The following THBS4 variants were observed in gnomAD, a reference collection of about 807,000 sequenced individuals.
The protein encoded by THBS4 is thrombospondin-4.
A neutral mutation model predicts 115.7 loss-of-function variants in THBS4; 90 were observed. The observed-to-expected ratio is 0.78, with a 90% CI of 0.66 to 0.93. THBS4 has a LOEUF of 0.93. Ranked by LOEUF, THBS4 falls within the 40% of genes least tolerant of loss-of-function variation. THBS4 has a pLI of 0.00. For synonymous variants in THBS4, 460 were observed against 479.3 expected (o/e 0.96, Z 0.53); for missense variants, 1,087 against 1,232.7 (o/e 0.88, Z 1.77).
At chr5:80,005,285 A>T (rs1347325365) in intron 2 of THBS4, among the ~76,000 whole-genome samples, 4 of 152,194 alleles carry the variant, frequency 2.6e-5, no homozygotes, top group African/African-American at 9.7e-5. Flanking sequence ...AGCTTTTCAT[A>T]CATTTGCAAA....
intron 2 of THBS4, among the ~76,000 whole-genome samples, chr5:80,001,918 T>C (rs1295929203): frequency 2.6e-5 from 4 of 152,176 alleles, no homozygotes; most frequent in African/African-American, 4.8e-5. Flanking sequence ...TTAAACCATA[T>C]TTACTTCATA....
At chr5:80,068,918 TC>T (rs951581582) in intron 10 of THBS4, 3 of 154,188 alleles carry the variant, frequency 1.9e-5, no homozygotes, top group African/African-American at 7.2e-5. Context: ...TGCCATCCAT[TC>T]CCAAATCCAA....
intron 2 of THBS4, among the ~76,000 whole-genome samples, chr5:80,002,205 G>A (rs1288883775): frequency 2.0e-5 from 3 of 152,080 alleles, no homozygotes; most frequent in Admixed American, 6.6e-5. Context: ...TACAACAGGC[G>A]TTTTGTTCTT....
chr5:80,018,164 G>C (rs955520524), intron 2 of THBS4, among the ~76,000 whole-genome samples: 3 of 151,822 alleles, frequency 2.0e-5, no homozygotes, highest in Non-Finnish European at 2.9e-5. Flanking sequence ...TTTCTACTGT[G>C]TTTTTCCAGA....
rs2112092115 is a variant in THBS4, at chr5:80,058,207, A to T, written c.542A>T (p.Asp181Val). Residue 181 changes from aspartate (D) to valine (V), a missense_variant and splice_region_variant, in exon 4 of 22, where the codon GAC (aspartate) becomes GTC (valine). Coordinates refer to ENST00000350881, the MANE Select transcript of THBS4 (RefSeq NM_003248.6). Reference sequence around the variant, plus strand: ...TGGTATGAATGTGATTTCTTCCAGGACTTCTTGGAAGAGCTGAAGCTGGTG... The same window carrying T: ...TGGTATGAATGTGATTTCTTCCAGGTCTTCTTGGAAGAGCTGAAGCTGGTG... ...ELRTFQRKPQ[D>V]FLEELKLVVR... 6.4e-7 allele frequency: 1 copy of T among 1,568,668 alleles called. No individual in the cohort carries two copies. Among genetic ancestry groups the T allele is most frequent in the South Asian group, 1.2e-5 (1 of 85,240 alleles).
At chr5:80,039,311 C>A (rs180715084) in intron 1 of THBS4, among the ~76,000 whole-genome samples, 1 of 152,350 alleles carries the variant, frequency 6.6e-6, no homozygotes, top group African/African-American at 2.4e-5. Context: ...TGACTCTGGG[C>A]ATACTCTCTC....
intron 1 of THBS4, chr5:79,998,260 T>C (rs1032973320): frequency 1.3e-5 from 2 of 152,232 alleles, no homozygotes; most frequent in African/African-American, 4.8e-5. Flanking sequence ...CTCATAATAA[T>C]GAGTTCTCAT....
upstream of THBS4, among the ~76,000 whole-genome samples, chr5:80,034,546 G>A (rs1011482371): frequency 3.3e-5 from 5 of 152,062 alleles, no homozygotes; most frequent in Admixed American, 3.3e-4. Context: ...AATTACTTGC[G>A]TTCCTCCGAT....
At chr5:80,041,709 T>A (rs564851696) in intron 2 of THBS4, among the ~76,000 whole-genome samples, 2 of 152,272 alleles carry the variant, frequency 1.3e-5, no homozygotes, top group East Asian at 3.9e-4. Context: ...CATTGCCTTC[T>A]CCTCCACTCC....
chr5:80,006,809 G>C (rs1434111039), intron 2 of THBS4, among the ~76,000 whole-genome samples: 2 of 152,106 alleles, frequency 1.3e-5, no homozygotes, highest in Non-Finnish European at 2.9e-5. Flanking sequence ...TTGAGTGATG[G>C]ATACTCTAAA....
chr5:80,039,883 T>C (rs549012981), intron 1 of THBS4, among the ~76,000 whole-genome samples, 194 bp from the exon 2 acceptor site: 97 of 152,338 alleles, frequency 6.4e-4, no homozygotes, highest in African/African-American at 2.3e-3. Context: ...GTATTTCTTC[T>C]GGCTCAAATG....
At chr5:80,013,345 G>A (rs1832184194) in intron 2 of THBS4, among the ~76,000 whole-genome samples, 1 of 150,652 alleles carries the variant, frequency 6.6e-6, no homozygotes, top group African/African-American at 2.5e-5. Flanking sequence ...CACCATGTTG[G>A]TCAGGCTGGT....
chr5:80,000,067 T>C (rs562812076), intron 2 of THBS4, among the ~76,000 whole-genome samples: 1 of 152,298 alleles, frequency 6.6e-6, no homozygotes, highest in East Asian at 1.9e-4. Context: ...ACTGAGTAGG[T>C]ATATGGGAGA....
intron 2 of THBS4, among the ~76,000 whole-genome samples, chr5:80,046,832 A>T (rs981677059): frequency 6.6e-6 from 1 of 152,224 alleles, no homozygotes; most frequent in African/African-American, 2.4e-5. Flanking sequence ...ACTGTCCAAC[A>T]TGTCAGTGAC....
At chr5:80,083,028 G>A (rs1013255455) in intron 21 of THBS4, 52 bp from the exon 22 acceptor site, 4 of 1,556,312 alleles carry the variant, frequency 2.6e-6, no homozygotes, top group East Asian at 4.5e-5. Context: ...GGGGTCCGGG[G>A]TCCGGGGTGG....
chr5:80,024,538 G>T (rs984165902), intron 2 of THBS4, among the ~76,000 whole-genome samples: 2 of 152,034 alleles, frequency 1.3e-5, no homozygotes, highest in African/African-American at 4.8e-5. Context: ...CTTCCCCAAG[G>T]CCACACAGCT....
Position 80,045,133 on chromosome 5 carries a change from A to G in THBS4, c.292+4853A>G, listed in dbSNP as rs115211594. On this transcript the variant is annotated intron_variant, in intron 2 of 21. Transcript: ENST00000350881. Reference sequence around the variant, plus strand: ...GGCTTAATAAAATTTTCATACTCTTAAACAGTATTAGAGACAGATTTCCAC... The same window carrying G: ...GGCTTAATAAAATTTTCATACTCTTGAACAGTATTAGAGACAGATTTCCAC... 7.0e-3 allele frequency among the ~76,000 whole-genome samples: 1,066 copies of G among 152,320 alleles called. 5 individuals are homozygous for G. The highest frequency in any genetic ancestry group is 0.011 in the Non-Finnish European group (761 of 68,026).
At chr5:80,002,889 G>A (rs1326357510) in intron 2 of THBS4, among the ~76,000 whole-genome samples, 1 of 150,858 alleles carries the variant, frequency 6.6e-6, no homozygotes, top group Non-Finnish European at 1.5e-5. Context: ...CAGGAGGTGG[G>A]TAGAGGAACT....
At chr5:80,032,872 G>C (rs1335759062), upstream of THBS4, among the ~76,000 whole-genome samples, 1 of 152,076 alleles carries the variant, frequency 6.6e-6, no homozygotes, top group Non-Finnish European at 1.5e-5. Context: ...ACACACACAG[G>C]AGCCATACTT....
Sources: gnomAD v4.1 joint callset for allele counts (sites outside exome capture counted in the v4.1 genomes callset) on GRCh38, gnomAD v4.1.1 for gene constraint, MANE v1.5 for transcripts, NCBI Gene and HGNC (gene_info 2026-07-23, HGNC 2026-07-21) for gene names.